SPEN: variants seen among roughly 807,000 people sequenced by gnomAD.
SPEN encodes spen family transcriptional repressor.
A neutral mutation model predicts 269.9 loss-of-function variants in SPEN; 18 were observed. That is an observed-to-expected ratio of 0.07 (90% CI 0.05 to 0.10). The LOEUF is 0.10. Among genes scored for constraint, SPEN ranks in the 10% least tolerant of loss-of-function variants. SPEN has a pLI of 1.00. For missense variants in SPEN, 3,822 were observed against 4,631.2 expected, an observed-to-expected ratio of 0.83 and a Z score of 5.07; for synonymous variants, 1,726 against 1,765.7, an observed-to-expected ratio of 0.98 and a Z score of 0.56.
Position 15,920,967 on chromosome 1 carries a change from G to A in SPEN, c.1733G>A (p.Gly578Asp), listed in dbSNP as rs1428850297. ...AVKETKGRKIGGNKIKVDFAN... is the reference protein window; with the variant it reads ...AVKETKGRKIDGNKIKVDFAN... ...AAAGAGACCAAAGGGAGGAAAATCGGTGGGAATAAAATTAAGGTGTGCAGA... is the reference window on the plus strand; with the variant it reads ...AAAGAGACCAAAGGGAGGAAAATCGATGGGAATAAAATTAAGGTGTGCAGA... The change falls in exon 9 of 15, where the codon GGT (glycine) becomes GAT (aspartate). Residue 578 changes from glycine to aspartate, a missense_variant. By Grantham distance (94) the Gly-to-Asp change is moderately conservative (BLOSUM62 -1). Around this residue, in one of 16 missense-constraint regions of SPEN, gnomAD observed 230 missense variants for 426.1 expected, o/e 0.54. Coordinates refer to ENST00000375759, the MANE Select transcript of SPEN (RefSeq NM_015001.3). 1.9e-6 allele frequency: 3 copies of A among 1,606,412 alleles called. No individual in the cohort carries two copies. Among genetic ancestry groups the A allele is most frequent in the Admixed American group, 1.7e-5 (1 of 59,458 alleles).
At chr1:15,876,734 C>G in intron 3 of SPEN, 56 bp downstream of exon 3, 1 of 1,264,248 alleles carries the variant, frequency 7.9e-7, no homozygotes, top group Non-Finnish European at 1.1e-6. Flanking sequence ...AAATTCTCAA[C>G]AATCAGTGGG....
intron 1 of SPEN, among the ~76,000 whole-genome samples, chr1:15,867,022 A>G (rs983991291): frequency 9.9e-5 from 15 of 152,196 alleles, no homozygotes; most frequent in African/African-American, 3.4e-4. Context: ...TTACCCATTT[A>G]AAGTATACAA....
At chr1:15,889,156 TTTC>T (rs2070766064) in intron 3 of SPEN, among the ~76,000 whole-genome samples, 1 of 109,818 alleles carries the variant, frequency 9.1e-6, no homozygotes, top group Non-Finnish European at 1.7e-5. Context: ...CTTTCTTTCT[TTTC>T]TTTTCTTTTT....
intron 3 of SPEN, among the ~76,000 whole-genome samples, chr1:15,878,242 T>G (rs1371597295): frequency 1.3e-5 from 2 of 152,230 alleles, no homozygotes; most frequent in African/African-American, 4.8e-5. Context: ...TTGACCTGAT[T>G]AAAAGGCTCA....
chr1:15,853,485 CTATTTTTATTTT>C (rs1225701405), intron 1 of SPEN, among the ~76,000 whole-genome samples: 7 of 148,528 alleles, frequency 4.7e-5, no homozygotes, highest in African/African-American at 7.5e-5. Context: ...CTGTGCTGGC[CTATTTTTATTTT>C]TATTTTTATT....
At chr1:15,873,464 C>A in intron 2 of SPEN, 1 of 1,038,338 alleles carries the variant, frequency 9.6e-7, no homozygotes, top group Non-Finnish European at 1.2e-6. Context: ...GGATATATCC[C>A]TTCTACCTGA....
Position 15,932,638 on chromosome 1 carries a change from TATC to T in SPEN, c.6402_6404del (p.Ser2135del). 1 of 1,612,164 alleles carries T rather than the reference TATC, an allele frequency of 6.2e-7. No homozygotes were observed. Among genetic ancestry groups the T allele is most frequent in the Non-Finnish European group, 8.5e-7 (1 of 1,178,750 alleles). On this transcript the variant is annotated inframe_deletion, in exon 11 of 15. Transcript: ENST00000375759. This position sits in a 1 kb window ranked among gnomAD's most constrained non-coding sequence, Gnocchi z 4.2. ...GAGAGTCCCCAAAAGGAGGATGGTTTATCATCCCAGTTGAAAAGTGATCCAGTT... is the reference window on the plus strand; with the variant it reads ...GAGAGTCCCCAAAAGGAGGATGGTTTATCCCAGTTGAAAAGTGATCCAGTT...
At chr1:15,885,843 A>G (rs1206967248) in intron 3 of SPEN, among the ~76,000 whole-genome samples, 2 of 152,230 alleles carry the variant, frequency 1.3e-5, no homozygotes, top group East Asian at 3.8e-4. Flanking sequence ...CAAACTGCAG[A>G]GGTCACTGAA....
rs764697059 is a variant in SPEN at position 15,937,663 on chromosome 1, C to T, written c.10509+18C>T. The T allele has an allele frequency of 2.6e-5, 42 of 1,608,506 alleles. No homozygotes were observed. Among genetic ancestry groups the T allele is most frequent in the Non-Finnish European group, 3.6e-5 (42 of 1,175,866 alleles). On this transcript the variant is annotated intron_variant, in intron 12 of 14. Transcript: ENST00000375759. The surrounding 1 kb of genome is among the most constrained non-coding windows in gnomAD (Gnocchi z 5.7). ...TTCTGAAGGTAAGCATGAGCAGGGGCTGCCCTTCCTGGCCCCCAAGTTTTA... is the reference window on the plus strand; with the variant it reads ...TTCTGAAGGTAAGCATGAGCAGGGGTTGCCCTTCCTGGCCCCCAAGTTTTA...
At chr1:15,887,967 G>A (rs1305912794) in intron 3 of SPEN, among the ~76,000 whole-genome samples, 1 of 151,652 alleles carries the variant, frequency 6.6e-6, no homozygotes, top group Non-Finnish European at 1.5e-5. Context: ...GGCAGAGGTT[G>A]CAGTGAGCCA....
intron 1 of SPEN, among the ~76,000 whole-genome samples, chr1:15,855,914 G>T (rs2070381714): frequency 6.7e-6 from 1 of 149,644 alleles, no homozygotes; most frequent in South Asian, 2.1e-4. Flanking sequence ...TTGCATTCAA[G>T]ATTATTTAAA....
chr1:15,872,849 C>T lies in SPEN; in HGVS notation c.117C>T (p.Pro39=), dbSNP rs375389506. The change falls in exon 2 of 15, where the codon CCC becomes CCT. Residue 39 remains proline, a synonymous_variant. Transcript: ENST00000375759. ...GCGTGGAAAGTGTCAAAATTCTTCC[C>T]AAGAGGGGATCTGAAGGAGGAGTGG... ...YGRVESVKIL[P]KRGSEGGVAA... 6.6e-5 allele frequency: 101 copies of T among 1,528,182 alleles called. No homozygotes were observed. The South Asian group carries it at 1.1e-3, about 16-fold the overall frequency. The allele number at this position is 1,528,182 out of a possible 1,614,324, so 94.7% of individuals were successfully genotyped here.
intron 1 of SPEN, among the ~76,000 whole-genome samples, chr1:15,867,438 T>TGGG (rs1180231356): frequency 1.3e-5 from 2 of 152,228 alleles, no homozygotes; most frequent in African/African-American, 4.8e-5. Flanking sequence ...GCTCAAGCAA[T>TGGG]CTGCCCACCT....
intron 3 of SPEN, among the ~76,000 whole-genome samples, chr1:15,903,853 A>G (rs2070926388): frequency 1.3e-5 from 2 of 152,142 alleles, no homozygotes; most frequent in Non-Finnish European, 2.9e-5. Context: ...TGCTTGGGTA[A>G]ATTCCACTTT....
chr1:15,867,759 T>C (rs2070529311), intron 1 of SPEN, among the ~76,000 whole-genome samples: 1 of 151,808 alleles, frequency 6.6e-6, no homozygotes, highest in Non-Finnish European at 1.5e-5. Flanking sequence ...TGGTATATAA[T>C]TGTGATTTTG....
At chr1:15,854,557 G>A (rs920019461) in intron 1 of SPEN, among the ~76,000 whole-genome samples, 15 of 151,846 alleles carry the variant, frequency 9.9e-5, no homozygotes, top group African/African-American at 3.4e-4. Context: ...GTGCTATCTC[G>A]GCTCACCGCG....
intron 3 of SPEN, among the ~76,000 whole-genome samples, chr1:15,908,524 G>A (rs1467568619): frequency 2.0e-5 from 3 of 151,914 alleles, no homozygotes; most frequent in Non-Finnish European, 4.4e-5. Flanking sequence ...CCAGGTTCAC[G>A]CCATTCTCCT....
At chr1:15,907,525 C>T (rs1303402433) in intron 3 of SPEN, among the ~76,000 whole-genome samples, 2 of 152,056 alleles carry the variant, frequency 1.3e-5, no homozygotes, top group East Asian at 1.9e-4. Flanking sequence ...TAAACTTGGA[C>T]TCATTTGTCT....
chr1:15,880,040 A>T (rs2070672227), intron 3 of SPEN, among the ~76,000 whole-genome samples: 1 of 152,062 alleles, frequency 6.6e-6, no homozygotes, highest in African/African-American at 2.4e-5. Flanking sequence ...AAAAAATTGG[A>T]ATTTCCACCT....
Sources: allele counts gnomAD v4.1 joint callset (sites outside exome capture counted in the v4.1 genomes callset), GRCh38; gene constraint gnomAD v4.1.1; regional missense constraint gnomAD v4.1.1; non-coding constraint Gnocchi (gnomAD v3.1); transcripts MANE v1.5; gene names NCBI Gene and HGNC (gene_info 2026-07-23, HGNC 2026-07-21).